Variants in PLCXD3 observed in about 807,000 individuals in gnomAD.
The protein encoded by PLCXD3 is PI-PLC X domain-containing protein 3.
PLCXD3 carries 19 observed loss-of-function variants against 25.5 expected under a neutral mutation model. The observed-to-expected ratio is 0.75, with a 90% CI of 0.52 to 1.09. The LOEUF (loss-of-function observed/expected upper bound fraction) is 1.09. Ranked by LOEUF, PLCXD3 falls within the 50% of genes least tolerant of loss-of-function variation. The probability of loss-of-function intolerance (pLI) is 0.00; values close to 1 mark genes in which losing one functional copy is unlikely to be tolerated. For missense variants in PLCXD3, 411 were observed against 388.1 expected (o/e 1.06, Z -0.50); for synonymous variants, 174 against 137.6 (o/e 1.26, Z -1.85).
chr5:41,350,252 A>ATATT (rs2150480703), intron 2 of PLCXD3, among the ~76,000 whole-genome samples: 1 of 152,298 alleles, frequency 6.6e-6, no homozygotes, highest in Admixed American at 6.5e-5. Context: ...CGAATGAGGC[A>ATATT]TATTTGATTT....
chr5:41,509,977 C>T (rs1447183071), intron 1 of PLCXD3, among the ~76,000 whole-genome samples: 3 of 152,160 alleles, frequency 2.0e-5, no homozygotes, highest in African/African-American at 7.2e-5. Context: ...TCAAATCCGC[C>T]CAATTCCATG....
At chr5:41,412,717 C>A (rs1005848182) in intron 1 of PLCXD3, among the ~76,000 whole-genome samples, 1 of 152,192 alleles carries the variant, frequency 6.6e-6, no homozygotes, top group South Asian at 2.1e-4. Context: ...TCAGCCTCTA[C>A]TTCTTATCTG....
In PLCXD3 at chr5:41,382,478, G is replaced by A. The variant is rs1305779935; in HGVS notation, c.160C>T (p.Gln54Ter). ...IDEASPVGPE[Q>*]PETVQNFVSV... The stretch of plus-strand genomic sequence containing the variant: ...ACAAAATTCTGGACAGTTTCTGGCT[G>A]CTCAGGACCTACTGGAGAGGCTTCA... The change falls in exon 2 of 3, where the codon CAG becomes TAG. Residue 54 changes from glutamine (Q) to a stop codon, truncating the protein, a stop_gained. Coordinates refer to ENST00000377801, the MANE Select transcript of PLCXD3 (RefSeq NM_001005473.3). LOFTEE classifies it high-confidence loss of function. The A allele has an allele frequency of 1.2e-6, 2 of 1,610,666 alleles. No homozygotes were observed. Among genetic ancestry groups the A allele is most frequent in the African/African-American group, 2.7e-5 (2 of 74,850 alleles).
intron 1 of PLCXD3, among the ~76,000 whole-genome samples, chr5:41,399,768 C>T (rs6866638): frequency 0.014 from 2,114 of 152,150 alleles, 60 homozygotes; most frequent in African/African-American, 0.048. Context: ...AGAAACTTTC[C>T]AGGACCATGG....
At chr5:41,379,747 A>G (rs1399478886) in intron 2 of PLCXD3, among the ~76,000 whole-genome samples, 1 of 152,086 alleles carries the variant, frequency 6.6e-6, no homozygotes, top group Non-Finnish European at 1.5e-5. Flanking sequence ...AATCTAAAAA[A>G]CATTGTGGAA....
At chr5:41,453,355 C>T (rs1747680245) in intron 1 of PLCXD3, among the ~76,000 whole-genome samples, 1 of 144,216 alleles carries the variant, frequency 6.9e-6, no homozygotes, top group Non-Finnish European at 1.5e-5. Flanking sequence ...CATTCTCTGT[C>T]TTTTTTTTTT....
chr5:41,391,051 A>G, intron 1 of PLCXD3, among the ~76,000 whole-genome samples: 1 of 152,214 alleles, frequency 6.6e-6, no homozygotes, highest in East Asian at 1.9e-4. Flanking sequence ...TGCAGATCCC[A>G]GTGGTCCAAA....
intron 1 of PLCXD3, among the ~76,000 whole-genome samples, chr5:41,461,432 T>A (rs537769088): frequency 6.6e-6 from 1 of 152,064 alleles, no homozygotes; most frequent in African/African-American, 2.4e-5. Flanking sequence ...CTCCACTGAG[T>A]CACTGCAATC....
intron 2 of PLCXD3, among the ~76,000 whole-genome samples, chr5:41,340,201 C>A (rs1455077992): frequency 3.3e-5 from 5 of 152,128 alleles, no homozygotes; most frequent in Admixed American, 6.6e-5. Context: ...AGGTAACCAG[C>A]ATTCACCAGT....
chr5:41,488,956 G>A (rs1296505619), intron 1 of PLCXD3, among the ~76,000 whole-genome samples: 6 of 152,082 alleles, frequency 3.9e-5, no homozygotes, highest in Non-Finnish European at 5.9e-5. Flanking sequence ...TGTCAATTTT[G>A]TCTTTTGTTG....
chr5:41,479,684 G>T (rs1748355109), intron 1 of PLCXD3, among the ~76,000 whole-genome samples: 1 of 151,742 alleles, frequency 6.6e-6, no homozygotes, highest in African/African-American at 2.4e-5. Flanking sequence ...TGATTAAATT[G>T]TATTGGTCCT....
At chr5:41,506,209 G>T (rs1339634717) in intron 1 of PLCXD3, among the ~76,000 whole-genome samples, 1 of 152,224 alleles carries the variant, frequency 6.6e-6, no homozygotes, top group African/African-American at 2.4e-5. Flanking sequence ...TGTGGGAAAA[G>T]CATATGTGTG....
chr5:41,472,507 CTAT>C (rs1350670197), intron 1 of PLCXD3, among the ~76,000 whole-genome samples: 7 of 152,254 alleles, frequency 4.6e-5, no homozygotes, highest in East Asian at 3.9e-4. Context: ...TTGGAAATGG[CTAT>C]TATTATTAAA....
intron 2 of PLCXD3, among the ~76,000 whole-genome samples, chr5:41,326,345 G>T (rs1271941862): frequency 6.6e-6 from 1 of 152,022 alleles, no homozygotes; most frequent in Non-Finnish European, 1.5e-5. Flanking sequence ...CCACAGTCAG[G>T]ACAATGTTTC....
intron 1 of PLCXD3, among the ~76,000 whole-genome samples, chr5:41,482,229 T>C (rs146995241): frequency 0.012 from 1,818 of 152,264 alleles, 42 homozygotes; most frequent in African/African-American, 0.041. Flanking sequence ...TTTATCTCCA[T>C]TTCCAGCTCC....
intron 1 of PLCXD3, among the ~76,000 whole-genome samples, chr5:41,473,214 T>C (rs1474430602): frequency 6.6e-6 from 1 of 152,092 alleles, no homozygotes; most frequent in Non-Finnish European, 1.5e-5. Flanking sequence ...GGATTAACAG[T>C]ATTTCAAAAT....
At chr5:41,454,473 A>G (rs1268824944) in intron 1 of PLCXD3, among the ~76,000 whole-genome samples, 1 of 151,938 alleles carries the variant, frequency 6.6e-6, no homozygotes, top group Non-Finnish European at 1.5e-5. Flanking sequence ...AGTCTCTTTT[A>G]TAAGAGTGCT....
At position 41,373,131 on chromosome 5, in the gene PLCXD3, AC is replaced by A. The variant is rs560550101; in HGVS notation, c.812+8694del. On this transcript the variant is annotated intron_variant, in intron 2 of 2. Transcript: ENST00000377801. ...CCTCGTTATACCCCCTTCTTCACTA[AC>A]TGCCACTAAAAGACTTTCTTTCCCA... Among the ~76,000 whole-genome samples, 56 of 152,200 alleles carry A rather than the reference AC, an allele frequency of 3.7e-4. No homozygotes were observed. The East Asian group carries it at 7.4e-3, about 20-fold the overall frequency.
At chr5:41,329,951 T>C (rs1743744724) in intron 2 of PLCXD3, among the ~76,000 whole-genome samples, 3 of 151,884 alleles carry the variant, frequency 2.0e-5, no homozygotes, top group South Asian at 2.1e-4. Context: ...TTTATAACAA[T>C]TGTATTTCAT....
Sources: gnomAD v4.1 joint callset for allele counts (sites outside exome capture counted in the v4.1 genomes callset) on GRCh38, gnomAD v4.1.1 for gene constraint, MANE v1.5 for transcripts, NCBI Gene and HGNC (gene_info 2026-07-23, HGNC 2026-07-21) for gene names.